IPMK: variants seen among roughly 807,000 people sequenced by gnomAD.
IPMK encodes inositol 1,3,4,6-tetrakisphosphate 5-kinase.
In IPMK, 17 loss-of-function variants were observed where a neutral mutation model predicts 45.8. The ratio of observed to expected loss-of-function variants is 0.37; its 90% CI spans 0.25 to 0.56. IPMK has a LOEUF of 0.56. IPMK is among the 20% of genes least tolerant of loss of function. The pLI, the probability that IPMK is intolerant of heterozygous loss-of-function variation, is 0.79. For missense variants in IPMK, 399 were observed against 498.0 expected, an observed-to-expected ratio of 0.80 and a Z score of 1.89; for synonymous variants, 180 against 184.3, an observed-to-expected ratio of 0.98 and a Z score of 0.19.
intron 4 of IPMK, among the ~76,000 whole-genome samples, chr10:58,211,337 G>C (rs553266804): frequency 6.6e-6 from 1 of 151,922 alleles, no homozygotes; most frequent in African/African-American, 2.4e-5. Context: ...GATTACAGGC[G>C]TGTGCCACCA....
intron 1 of IPMK, among the ~76,000 whole-genome samples, chr10:58,261,107 T>TAAA (rs11375552): frequency 1.4e-5 from 2 of 139,442 alleles, no homozygotes; most frequent in African/African-American, 2.7e-5. Context: ...GGCTGAGCTA[T>TAAA]AAAAAAAAAA....
intron 3 of IPMK, among the ~76,000 whole-genome samples, chr10:58,225,074 C>T (rs1401446256): frequency 1.3e-5 from 2 of 152,170 alleles, no homozygotes; most frequent in Non-Finnish European, 2.9e-5. Flanking sequence ...GTTGGTACTA[C>T]TGGACCACTC....
intron 3 of IPMK, among the ~76,000 whole-genome samples, chr10:58,217,156 C>CTTTT (rs58314639): frequency 0.011 from 1,161 of 102,868 alleles, 58 homozygotes; most frequent in African/African-American, 0.039. Flanking sequence ...GCCCATCTTG[C>CTTTT]TTTTTTTTTT....
At chr10:58,227,728 C>T (rs547158917) in intron 2 of IPMK, among the ~76,000 whole-genome samples, 5 of 151,538 alleles carry the variant, frequency 3.3e-5, no homozygotes, top group Non-Finnish European at 7.4e-5. Flanking sequence ...TCATTTAATT[C>T]CTTGATTTGT....
intron 1 of IPMK, among the ~76,000 whole-genome samples, chr10:58,252,222 C>T (rs1042934878): frequency 6.6e-6 from 1 of 152,152 alleles, no homozygotes; most frequent in Non-Finnish European, 1.5e-5. Context: ...AAACTGATAA[C>T]AACTCAATGT....
At chr10:58,248,357 A>G (rs1838833111) in intron 1 of IPMK, among the ~76,000 whole-genome samples, 1 of 152,224 alleles carries the variant, frequency 6.6e-6, no homozygotes, top group Admixed American at 6.5e-5. Context: ...ATTCAGCAGG[A>G]TTACAAATAT....
chr10:58,207,886 C>T (rs934732249), intron 4 of IPMK, among the ~76,000 whole-genome samples: 2 of 151,950 alleles, frequency 1.3e-5, no homozygotes, highest in Admixed American at 6.6e-5. Context: ...TTAGGAAGAC[C>T]AATTATTCTT....
At position 58,192,954 on chromosome 10, in the gene IPMK, G is replaced by A. The variant is rs574325754; in HGVS notation, c.*3122C>T. 3.3e-5 allele frequency: 5 copies of A among 152,022 alleles called. No homozygotes were observed. The South Asian group carries it at 1.0e-3, about 32-fold the overall frequency. 9.4% of individuals were successfully genotyped at this position (152,022 alleles called of 1,614,324 possible). A position where few individuals can be genotyped will look rare whatever the true frequency, so the allele number is the denominator to read the frequency against. ...ATAAACAATTTTTAAAGCAAAACAA[G>A]TTTTAAAGTATAAAATGCCAAACTA... is the stretch of plus-strand genomic sequence containing the variant. On this transcript the variant is annotated 3_prime_UTR_variant, in exon 6 of 6. Coordinates refer to ENST00000373935, the MANE Select transcript of IPMK (RefSeq NM_152230.5).
rs1837891213 is a variant in IPMK at position 58,196,270 on chromosome 10, G to T, written c.1057C>A (p.His353Asn). Residue 353 changes from histidine to asparagine, a missense_variant, in exon 6 of 6, where the codon CAT becomes AAT. His to Asn is a moderately conservative substitution (Grantham distance 68). Coordinates refer to ENST00000373935, the MANE Select transcript of IPMK (RefSeq NM_152230.5). Reference protein sequence around the residue: ...DNGWKSMSQEHLNGNVLSQLE... With the variant: ...DNGWKSMSQENLNGNVLSQLE... The stretch of plus-strand genomic sequence containing the variant: ...TGGGAAAGTACATTTCCATTTAAAT[G>T]TTCCTGTGACATGCTTTTCCACCCA... 1 of 1,613,918 alleles carries T rather than the reference G, an allele frequency of 6.2e-7. No homozygotes were observed. The highest frequency in any genetic ancestry group is 1.3e-5 in the African/African-American group (1 of 74,922).
intron 4 of IPMK, among the ~76,000 whole-genome samples, chr10:58,202,468 C>G (rs1294572301): frequency 6.6e-6 from 1 of 152,122 alleles, no homozygotes; most frequent in Non-Finnish European, 1.5e-5. Flanking sequence ...AGCTCAAGAA[C>G]AGCCTGAGCA....
chr10:58,265,080 T>C (rs1282130953), intron 1 of IPMK, among the ~76,000 whole-genome samples: 1 of 152,226 alleles, frequency 6.6e-6, no homozygotes, highest in African/African-American at 2.4e-5. Context: ...GATTTAAATG[T>C]ATTTTGATGA....
chr10:58,216,905 G>A (rs1304854637), intron 3 of IPMK, among the ~76,000 whole-genome samples: 1 of 152,132 alleles, frequency 6.6e-6, no homozygotes, highest in Non-Finnish European at 1.5e-5. Flanking sequence ...GGGCTAGACT[G>A]CAGTGGCCAA....
intron 1 of IPMK, among the ~76,000 whole-genome samples, chr10:58,247,440 T>G (rs1337218793): frequency 6.6e-6 from 1 of 150,870 alleles, no homozygotes; most frequent in African/African-American, 2.5e-5. Flanking sequence ...ATTAAGAAAA[T>G]GTGGCACATA....
At chr10:58,243,702 T>G (rs1430820380) in intron 1 of IPMK, among the ~76,000 whole-genome samples, 2 of 152,180 alleles carry the variant, frequency 1.3e-5, no homozygotes, top group Non-Finnish European at 1.5e-5. Context: ...TGCAGTGGCG[T>G]GATCTCGGCT....
In IPMK at chr10:58,196,073, G is replaced by C. The variant is rs763467528; in HGVS notation, c.*3C>G. 1 of 1,607,902 alleles carries C rather than the reference G, an allele frequency of 6.2e-7. No homozygotes were observed. Among genetic ancestry groups the C allele is most frequent in the Middle Eastern group, 1.7e-4 (1 of 6,026 alleles). On this transcript the variant is annotated 3_prime_UTR_variant, in exon 6 of 6. Coordinates refer to ENST00000373935, the MANE Select transcript of IPMK (RefSeq NM_152230.5). The stretch of plus-strand genomic sequence containing the variant: ...ACCCCTTAAAAAGACTGCAACAGAG[G>C]ATTCAATTGTCTAAAATACTTCGAA...
intron 5 of IPMK, among the ~76,000 whole-genome samples, chr10:58,197,655 A>G (rs182905103): frequency 0.011 from 1,534 of 140,962 alleles, 23 homozygotes; most frequent in African/African-American, 0.042. Context: ...GTCTCAAAAA[A>G]AAAAGAAAAG....
At chr10:58,249,054 G>A (rs1838845599) in intron 1 of IPMK, among the ~76,000 whole-genome samples, 1 of 152,202 alleles carries the variant, frequency 6.6e-6, no homozygotes, top group African/African-American at 2.4e-5. Context: ...TCAGAAGCAG[G>A]AATGCTGGAT....
intron 1 of IPMK, among the ~76,000 whole-genome samples, chr10:58,245,055 A>T (rs1197981107): frequency 7.6e-6 from 1 of 132,116 alleles, no homozygotes; most frequent in East Asian, 2.2e-4. Context: ...TAAAAAAAAA[A>T]AAATAATAAA....
At chr10:58,251,139 A>C (rs949703484) in intron 1 of IPMK, among the ~76,000 whole-genome samples, 3 of 152,200 alleles carry the variant, frequency 2.0e-5, no homozygotes, top group Non-Finnish European at 4.4e-5. Flanking sequence ...TTATTGCTAA[A>C]AACTTCCCTC....
Sources: gnomAD v4.1 joint callset for allele counts (sites outside exome capture counted in the v4.1 genomes callset) on GRCh38, gnomAD v4.1.1 for gene constraint, MANE v1.5 for transcripts, NCBI Gene and HGNC (gene_info 2026-07-23, HGNC 2026-07-21) for gene names.